The following ERC2 variants were observed in gnomAD, a reference collection of about 807,000 sequenced individuals.
ERC2 encodes ERC protein 2.
A neutral mutation model predicts 114.8 loss-of-function variants in ERC2; 42 were observed. The ratio of observed to expected loss-of-function variants is 0.37; its 90% confidence interval spans 0.29 to 0.47. The LOEUF (loss-of-function observed/expected upper bound fraction) is 0.47. Among genes scored for constraint, ERC2 ranks in the 20% least tolerant of loss-of-function variants. The pLI is 0.99. For missense variants in ERC2, 939 were observed against 1,150.7 expected (o/e 0.82, Z 2.66); for synonymous variants, 454 against 425.5 (o/e 1.07, Z -0.82).
chr3:55,547,219 C>G (rs76160865), intron 17 of ERC2, among the ~76,000 whole-genome samples: 1 of 152,228 alleles, frequency 6.6e-6, no homozygotes, highest in Non-Finnish European at 1.5e-5. Context: ...TTGCCCCAGC[C>G]GGGCCCACCA....
At chr3:55,952,180 C>CACTATA (rs1553749407) in intron 12 of ERC2, among the ~76,000 whole-genome samples, 2 of 25,572 alleles carry the variant, frequency 7.8e-5, no homozygotes, top group Non-Finnish European at 1.7e-4. Flanking sequence ...CACACACACA[C>CACTATA]TCTCTCTCTC....
chr3:56,170,112 G>A (rs2150013855), intron 4 of ERC2, among the ~76,000 whole-genome samples: 1 of 152,326 alleles, frequency 6.6e-6, no homozygotes, highest in Middle Eastern at 3.4e-3. Context: ...TGTTCTAAGT[G>A]CAAACTTGGA....
chr3:55,900,237 G>T (rs1209655657), intron 13 of ERC2, among the ~76,000 whole-genome samples: 1 of 152,148 alleles, frequency 6.6e-6, no homozygotes, highest in Admixed American at 6.5e-5. Flanking sequence ...AAGTTCCTAT[G>T]GGTTTTGGAA....
At chr3:56,008,370 A>G (rs983363973) in intron 9 of ERC2, among the ~76,000 whole-genome samples, 1 of 152,172 alleles carries the variant, frequency 6.6e-6, no homozygotes, top group African/African-American at 2.4e-5. Flanking sequence ...GGCTCACAAG[A>G]GCTGAGCATC....
intron 14 of ERC2, among the ~76,000 whole-genome samples, chr3:55,767,989 A>G (rs2067931689): frequency 6.6e-6 from 1 of 152,156 alleles, no homozygotes; most frequent in Non-Finnish European, 1.5e-5. Flanking sequence ...TGCTGTTCTC[A>G]TAATAGTGAG....
At chr3:55,672,839 C>T (rs972481823) in intron 17 of ERC2, among the ~76,000 whole-genome samples, 9 of 152,160 alleles carry the variant, frequency 5.9e-5, no homozygotes, top group Admixed American at 6.5e-5. Flanking sequence ...CTACATAAAG[C>T]TCCTGCAGGC....
intron 1 of ERC2, among the ~76,000 whole-genome samples, chr3:56,453,854 T>A (rs534214302): frequency 2.0e-4 from 31 of 152,094 alleles, no homozygotes; most frequent in African/African-American, 6.7e-4. Flanking sequence ...GTACAAACAA[T>A]CCAAATAGTG....
At chr3:55,822,673 T>TCCTACCTCAGCCTCCC (rs2060175238) in intron 14 of ERC2, among the ~76,000 whole-genome samples, 1 of 148,420 alleles carries the variant, frequency 6.7e-6, no homozygotes, top group Non-Finnish European at 1.5e-5. Context: ...CACGCCATTC[T>TCCTACCTCAGCCTCCC]CCTACCTCAG....
At position 56,244,267 on chromosome 3, in the gene ERC2, A is replaced by G. The variant is rs189611927; in HGVS notation, c.1074+51752T>C. ...ACAAACCTACTGCACTGCCAGTTGT[A>G]TAAGAGTATAACACATGCAATTATA... is the stretch of plus-strand genomic sequence containing the variant. On this transcript the variant is annotated intron_variant, in intron 3 of 17. Coordinates refer to ENST00000288221, the MANE Select transcript of ERC2 (RefSeq NM_015576.3). 6.4e-4 allele frequency among the ~76,000 whole-genome samples: 98 copies of G among 152,300 alleles called. No homozygotes were observed. The East Asian group carries it at 9.4e-3, about 15-fold the overall frequency.
chr3:55,544,900 G>T (rs13073697), intron 17 of ERC2, among the ~76,000 whole-genome samples: 1 of 151,906 alleles, frequency 6.6e-6, no homozygotes, highest in East Asian at 1.9e-4. Flanking sequence ...TTTGCCAAAG[G>T]GTCCTGTGAC....
At chr3:55,648,253 A>T (rs1245195822) in intron 17 of ERC2, among the ~76,000 whole-genome samples, 2 of 152,224 alleles carry the variant, frequency 1.3e-5, no homozygotes, top group Non-Finnish European at 2.9e-5. Context: ...ATTAAAATCA[A>T]ACGCATGGAC....
At chr3:55,876,985 T>C (rs1269887377) in intron 14 of ERC2, among the ~76,000 whole-genome samples, 2 of 152,100 alleles carry the variant, frequency 1.3e-5, no homozygotes, top group African/African-American at 4.8e-5. Flanking sequence ...AACAGGAAAA[T>C]ATATCCTGTG....
chr3:55,942,292 T>C (rs2066852196), intron 13 of ERC2, among the ~76,000 whole-genome samples: 1 of 124,340 alleles, frequency 8.0e-6, no homozygotes, highest in Admixed American at 8.0e-5. Flanking sequence ...TTTTTTTTTT[T>C]TTTTTTTTTT....
At chr3:56,239,591 T>C (rs2051191882) in intron 3 of ERC2, among the ~76,000 whole-genome samples, 1 of 152,176 alleles carries the variant, frequency 6.6e-6, no homozygotes, top group Non-Finnish European at 1.5e-5. Flanking sequence ...CACTGAGAAG[T>C]ATTTACTATT....
intron 2 of ERC2, among the ~76,000 whole-genome samples, chr3:56,400,936 T>C (rs2060495986): frequency 6.6e-6 from 1 of 152,216 alleles, no homozygotes; most frequent in Non-Finnish European, 1.5e-5. Flanking sequence ...TTGTATCAGC[T>C]TTATTAACCA....
chr3:55,770,591 T>C (rs2068120268), intron 14 of ERC2, among the ~76,000 whole-genome samples: 1 of 152,150 alleles, frequency 6.6e-6, no homozygotes, highest in South Asian at 2.1e-4. Context: ...CAATTTATCA[T>C]CACTGTTAAA....
At chr3:56,462,406 C>T (rs2063352271) in intron 1 of ERC2, among the ~76,000 whole-genome samples, 1 of 152,202 alleles carries the variant, frequency 6.6e-6, no homozygotes, top group South Asian at 2.1e-4. Flanking sequence ...TTCACTCGTA[C>T]TAAAGCATGT....
chr3:55,709,514 G>T (rs2063662265), intron 15 of ERC2, among the ~76,000 whole-genome samples: 1 of 152,130 alleles, frequency 6.6e-6, no homozygotes, highest in Non-Finnish European at 1.5e-5. Context: ...GAACGGACTG[G>T]GCAAGCAGAG....
At chr3:55,544,141 C>T (rs2054587091) in intron 17 of ERC2, among the ~76,000 whole-genome samples, 1 of 152,166 alleles carries the variant, frequency 6.6e-6, no homozygotes, top group Non-Finnish European at 1.5e-5. Context: ...ACCTCTGGGC[C>T]TGTCTGGGAC....
Sources: gnomAD v4.1 joint callset for allele counts (sites outside exome capture counted in the v4.1 genomes callset) on GRCh38, gnomAD v4.1.1 for gene constraint, MANE v1.5 for transcripts, NCBI Gene and HGNC (gene_info 2026-07-23, HGNC 2026-07-21) for gene names.